The following COL24A1 variants were observed in gnomAD, a reference collection of about 807,000 sequenced individuals.
The protein encoded by COL24A1 is collagen type XXIV alpha 1 chain.
COL24A1 carries 224 observed loss-of-function variants against 253.9 expected under a neutral mutation model. The ratio of observed to expected loss-of-function variants is 0.88; its 90% CI spans 0.79 to 0.99. The LOEUF is 0.99. Ranked by LOEUF, COL24A1 falls within the 50% of genes least tolerant of loss-of-function variation. The probability of loss-of-function intolerance (pLI) is 0.00; values close to 1 mark genes in which losing one functional copy is unlikely to be tolerated. For synonymous variants in COL24A1, 685 were observed against 673.7 expected, an observed-to-expected ratio of 1.02 and a Z score of -0.26; for missense variants, 2,131 against 2,068.5, an observed-to-expected ratio of 1.03 and a Z score of -0.59.
intron 1 of COL24A1, chr1:86,156,107 A>G: frequency 2.5e-6 from 1 of 402,118 alleles, no homozygotes. Context: ...CTCTCGAGCC[A>G]AAAGATCGCT....
Position 85,784,285 on chromosome 1 carries a change from C to T in COL24A1, c.4141G>A (p.Gly1381Arg), listed in dbSNP as rs1443294748. Residue 1381 changes from glycine (G) to arginine (R), a missense_variant, in exon 49 of 60, where the codon GGA becomes AGA. Gly to Arg is a moderately radical substitution (Grantham distance 125). Coordinates refer to ENST00000370571, the MANE Select transcript of COL24A1 (RefSeq NM_152890.7). ...RGAQGDQGPC[G>R]DPGLKGQPGE... Reference sequence around the variant, plus strand: ...GGCTGCCCTTTCAGGCCAGGGTCTCCACATGGTCCTTGATCACCTTGTGCT... The same window carrying T: ...GGCTGCCCTTTCAGGCCAGGGTCTCTACATGGTCCTTGATCACCTTGTGCT... 1 of 1,614,044 alleles carries T rather than the reference C, an allele frequency of 6.2e-7. No individual in the cohort carries two copies. The highest frequency in any genetic ancestry group is 1.7e-5 in the Admixed American group (1 of 60,004).
chr1:85,742,704 A>G (rs7544908), intron 57 of COL24A1, among the ~76,000 whole-genome samples: 135,214 of 151,918 alleles, frequency 0.89, 60,959 homozygotes, highest in Non-Finnish European at 0.97. Flanking sequence ...ACAGAAAAAA[A>G]AAAAAAACCC....
chr1:85,890,420 T>TTG (rs1558545901), intron 31 of COL24A1, among the ~76,000 whole-genome samples: 1 of 151,798 alleles, frequency 6.6e-6, no homozygotes, highest in Non-Finnish European at 1.5e-5. Context: ...TTCTTTTTTT[T>TTG]TTTTTAGAAC....
chr1:85,782,750 A>C (rs1487688428), intron 51 of COL24A1, among the ~76,000 whole-genome samples: 1 of 152,154 alleles, frequency 6.6e-6, no homozygotes, highest in Non-Finnish European at 1.5e-5. Flanking sequence ...TGCTCTTTCA[A>C]CACTTGCCCC....
At chr1:85,757,407 T>C (rs1385751589) in intron 55 of COL24A1, among the ~76,000 whole-genome samples, 2 of 152,054 alleles carry the variant, frequency 1.3e-5, no homozygotes, top group Non-Finnish European at 2.9e-5. Flanking sequence ...GATGAATAAA[T>C]CACAGGATAT....
intron 31 of COL24A1, among the ~76,000 whole-genome samples, chr1:85,892,318 T>C (rs1326899880): frequency 6.6e-6 from 1 of 151,944 alleles, no homozygotes; most frequent in Non-Finnish European, 1.5e-5. Flanking sequence ...TAGTGCTGAA[T>C]GAAAACAAAA....
Position 85,784,516 on chromosome 1 carries a change from A to C in COL24A1, c.4060-150T>G, listed in dbSNP as rs751865913. ...CAAATTTTGCATGTTCATCTTGTTC[A>C]CCAATATTTTCCACACAAGTAGTAT... On this transcript the variant is annotated intron_variant, in intron 48 of 59. Coordinates refer to ENST00000370571, the MANE Select transcript of COL24A1 (RefSeq NM_152890.7). 3 of 597,290 alleles carry C rather than the reference A, an allele frequency of 5.0e-6. No homozygotes were observed. The African/African-American group carries it at 5.6e-5, about 11-fold the overall frequency. The allele number at this position is 597,290 out of a possible 1,614,324, so 37.0% of individuals were successfully genotyped here.
chr1:85,863,410 T>G (rs1027221798), intron 37 of COL24A1, among the ~76,000 whole-genome samples: 2 of 152,160 alleles, frequency 1.3e-5, no homozygotes, highest in East Asian at 1.9e-4. Context: ...TCAAAGGGAA[T>G]GCTAGACTTC....
intron 5 of COL24A1, among the ~76,000 whole-genome samples, chr1:86,101,608 T>C (rs551439569): frequency 6.6e-6 from 1 of 152,326 alleles, no homozygotes; most frequent in African/African-American, 2.4e-5. Context: ...GGGTGTTGAA[T>C]TTTATCAAAA....
intron 57 of COL24A1, among the ~76,000 whole-genome samples, chr1:85,738,083 T>C (rs1309568570): frequency 1.3e-5 from 2 of 152,202 alleles, no homozygotes; most frequent in Non-Finnish European, 2.9e-5. Context: ...ATAGAATAGC[T>C]GAATTGATTG....
chr1:85,768,508 T>C (rs1667609303), intron 53 of COL24A1, among the ~76,000 whole-genome samples: 1 of 151,250 alleles, frequency 6.6e-6, no homozygotes, highest in South Asian at 2.1e-4. Context: ...AGAGATGGAT[T>C]GAGAATAGGA....
intron 57 of COL24A1, 58 bp downstream of exon 57, chr1:85,744,608 C>T: frequency 7.1e-7 from 1 of 1,414,706 alleles, no homozygotes. Flanking sequence ...AAATCTCAAA[C>T]ACACTGAAAT....
intron 5 of COL24A1, among the ~76,000 whole-genome samples, chr1:86,107,909 T>C (rs1571943280): frequency 6.6e-6 from 1 of 152,294 alleles, no homozygotes; most frequent in Non-Finnish European, 1.5e-5. Flanking sequence ...TTAAATTAAA[T>C]ATGAATTAAA....
chr1:85,834,982 T>C lies in COL24A1; in HGVS notation c.3681+3603A>G, dbSNP rs1675832760. On this transcript the variant is annotated intron_variant, in intron 43 of 59. Coordinates refer to ENST00000370571, the MANE Select transcript of COL24A1 (RefSeq NM_152890.7). ...TTATTTTTATACTGATTAAGTGTTC[T>C]TATTCTCCATGTTTTTTATATATAT... 4.6e-5 allele frequency among the ~76,000 whole-genome samples: 7 copies of C among 152,342 alleles called. No homozygotes were observed. In the South Asian group the frequency reaches 1.5e-3, roughly 32 times the overall value.
chr1:85,918,902 T>C (rs780852503), intron 24 of COL24A1, among the ~76,000 whole-genome samples: 84 of 152,260 alleles, frequency 5.5e-4, no homozygotes, highest in Non-Finnish European at 1.0e-3. Flanking sequence ...GGAAGGATTA[T>C]ACCTCCCTAT....
intron 1 of COL24A1, among the ~76,000 whole-genome samples, chr1:86,150,399 G>A (rs1393038449): frequency 6.6e-6 from 1 of 152,122 alleles, no homozygotes; most frequent in Non-Finnish European, 1.5e-5. Context: ...ATGATCAAAA[G>A]TATTATCTCC....
intron 19 of COL24A1, among the ~76,000 whole-genome samples, chr1:85,989,409 C>T (rs1037458781): frequency 6.6e-6 from 1 of 151,820 alleles, no homozygotes; most frequent in Non-Finnish European, 1.5e-5. Context: ...TTACTAAGCC[C>T]CATCCATTAC....
rs1248284737 is a variant in COL24A1 at position 85,745,597 on chromosome 1, A to G, written c.4438-91T>C. On this transcript the variant is annotated intron_variant, in intron 55 of 59. Transcript: ENST00000370571. Reference sequence around the variant, plus strand: ...TGTAAATTCTGAAAGCACTGCTGTTAAAGTATACCAGACTTATTATCTGAA... The same window carrying G: ...TGTAAATTCTGAAAGCACTGCTGTTGAAGTATACCAGACTTATTATCTGAA... 8 of 880,544 alleles carry G rather than the reference A, an allele frequency of 9.1e-6. No homozygotes were observed. In the Admixed American group the frequency reaches 1.7e-4, roughly 19 times the overall value. 54.5% of individuals were successfully genotyped at this position (880,544 alleles called of 1,614,324 possible). A position where few individuals can be genotyped will look rare whatever the true frequency, so the allele number is the denominator to read the frequency against.
chr1:85,786,251 A>G, intron 48 of COL24A1, 103 bp downstream of exon 48: 1 of 1,013,290 alleles, frequency 9.9e-7, no homozygotes, highest in East Asian at 2.5e-5. Flanking sequence ...GCCAAATTCT[A>G]TTAAAAACTA....
Sources: allele counts gnomAD v4.1 joint callset (sites outside exome capture counted in the v4.1 genomes callset), GRCh38; gene constraint gnomAD v4.1.1; transcripts MANE v1.5; gene names NCBI Gene and HGNC (gene_info 2026-07-23, HGNC 2026-07-21).